Variants in PHGDH observed in about 807,000 individuals in gnomAD.
PHGDH encodes the protein phosphoglycerate dehydrogenase, also known as D-3-phosphoglycerate dehydrogenase.
PHGDH carries 50 observed loss-of-function variants against 52.6 expected under a neutral mutation model. The observed-to-expected ratio is 0.95, with a 90% CI of 0.76 to 1.20. The LOEUF (loss-of-function observed/expected upper bound fraction) is 1.20. Among genes scored for constraint, PHGDH ranks in the 50% most tolerant of loss-of-function variants. PHGDH has a pLI of 0.00. For missense variants in PHGDH, 630 were observed against 684.6 expected, an observed-to-expected ratio of 0.92 and a Z score of 0.89; for synonymous variants, 271 against 280.5, an observed-to-expected ratio of 0.97 and a Z score of 0.34.
chr1:119,737,524 C>T (rs1651999293), intron 8 of PHGDH, among the ~76,000 whole-genome samples: 1 of 152,160 alleles, frequency 6.6e-6, no homozygotes, highest in South Asian at 2.1e-4. Context: ...AGATTGTGGC[C>T]CTTCCCAGGC....
intron 5 of PHGDH, 196 bp from the exon 6 acceptor site, chr1:119,734,438 G>T: frequency 1.6e-6 from 1 of 635,046 alleles, no homozygotes; most frequent in East Asian, 3.0e-5. Flanking sequence ...GCTGATCATG[G>T]TACTTAGTAT....
chr1:119,740,340 G>T (rs1240071706), intron 8 of PHGDH, 46 bp from the exon 9 acceptor site: 3 of 1,611,918 alleles, frequency 1.9e-6, no homozygotes, highest in Non-Finnish European at 2.5e-6. Context: ...TTCAGGATCT[G>T]CCATGCCTCT....
intron 6 of PHGDH, chr1:119,735,036 A>G: frequency 1.6e-6 from 1 of 624,166 alleles, no homozygotes; most frequent in Non-Finnish European, 2.8e-6. Flanking sequence ...GGGCTTTCTG[A>G]TTCCCAGACC....
chr1:119,733,767 G>A (rs774318560), intron 5 of PHGDH, among the ~76,000 whole-genome samples: 6 of 152,228 alleles, frequency 3.9e-5, no homozygotes, highest in East Asian at 1.9e-4. Flanking sequence ...AGAGACAACC[G>A]CTGTTAAAGT....
chr1:119,721,233 G>A lies in PHGDH; in HGVS notation c.202G>A (p.Glu68Lys), dbSNP rs774538219. The stretch of plus-strand genomic sequence containing the variant: ...GACCGCTGATGTCATCAACGCAGCT[G>A]AGAAACTCCAGGTGGTGGGCAGGGC... ...KVTADVINAA[E>K]KLQVVGRAGT... Residue 68 changes from glutamate to lysine, a missense_variant, in exon 2 of 12, where the codon GAG becomes AAG. Coordinates refer to ENST00000641023, the MANE Select transcript of PHGDH (RefSeq NM_006623.4). The A allele has an allele frequency of 1.9e-6, 3 of 1,614,060 alleles. No individual in the cohort carries two copies. In the African/African-American group the frequency reaches 4.0e-5, roughly 22 times the overall value.
chr1:119,734,219 T>A (rs587712245), intron 5 of PHGDH: 2 of 322,666 alleles, frequency 6.2e-6, no homozygotes, highest in East Asian at 1.6e-4. Context: ...CCCTCAGGAC[T>A]CCCTGCTTTC....
rs1339958156 is a variant in PHGDH, at chr1:119,737,207, G to A, written c.886G>A (p.Gly296Arg). 6.2e-7 allele frequency: 1 copy of A among 1,614,168 alleles called. No individual in the cohort carries two copies. Residue 296 changes from glycine to arginine, a missense_variant, in exon 8 of 12, where the codon GGG becomes AGG. Transcript: ENST00000641023. The part of the protein sequence containing the change: ...ASTKEAQSRC[G>R]EEIAVQFVDM... The stretch of plus-strand genomic sequence containing the variant: ...CACCAAGGAGGCTCAGAGCCGCTGT[G>A]GGGAGGAAATTGCTGTTCAGTTCGT...
chr1:119,719,553 C>T (rs1002236432), intron 1 of PHGDH: 2 of 152,232 alleles, frequency 1.3e-5, no homozygotes, highest in Admixed American at 1.3e-4. Context: ...GATGCATAAA[C>T]ACCTCCAGAG....
chr1:119,735,339 C>CACT lies in PHGDH; in HGVS notation c.688_689insACT (p.Arg230delinsHisCys). 1 of 1,614,168 alleles carries CACT rather than the reference C, an allele frequency of 6.2e-7. No individual in the cohort carries two copies. Among genetic ancestry groups the CACT allele is most frequent in the African/African-American group, 1.3e-5 (1 of 75,052 alleles). ...CTTTGCCCAGTGCAAGAAGGGGGTG[C>CACT]GTGTGGTGAACTGTGCCCGTGGAGG... On this transcript the variant is annotated protein_altering_variant, in exon 7 of 12. Coordinates refer to ENST00000641023, the MANE Select transcript of PHGDH (RefSeq NM_006623.4).
At chr1:119,721,603 C>T in intron 2 of PHGDH, 2 of 384,714 alleles carry the variant, frequency 5.2e-6, no homozygotes, top group Non-Finnish European at 9.5e-6. Context: ...TTCACGAGCC[C>T]ACCCCATGCG....
In PHGDH at chr1:119,712,057, G is replaced by A; in HGVS notation, c.35G>A (p.Ser12Asn). The A allele has an allele frequency of 1.9e-6, 3 of 1,614,236 alleles. No homozygotes were observed. The highest frequency in any genetic ancestry group is 2.2e-5 in the South Asian group (2 of 91,082). Reference sequence around the variant, plus strand: ...GCAAATCTGCGGAAAGTGCTCATCAGTGACAGCCTGGACCCTTGCTGCCGG... The same window carrying A: ...GCAAATCTGCGGAAAGTGCTCATCAATGACAGCCTGGACCCTTGCTGCCGG... ...AFANLRKVLISDSLDPCCRKI... is the reference protein window; with the variant it reads ...AFANLRKVLINDSLDPCCRKI... The change falls in exon 1 of 12, where the codon AGT becomes AAT. Residue 12 changes from serine (S) to asparagine (N), a missense_variant. Ser to Asn is a conservative substitution (Grantham distance 46). Transcript: ENST00000641023.
At chr1:119,730,930 C>T (rs1029972467) in intron 5 of PHGDH, among the ~76,000 whole-genome samples, 15 of 152,162 alleles carry the variant, frequency 9.9e-5, no homozygotes, top group African/African-American at 3.1e-4. Context: ...GTAGTTAATA[C>T]TTAAGGGTGC....
chr1:119,741,763 C>T lies in PHGDH; in HGVS notation c.1079-4C>T. ...ACCTCATGGTAGCTTCTCTCTGTCC[C>T]CAGGAACATCCCTGAAGAATGCTGG... is the stretch of plus-strand genomic sequence containing the variant. On this transcript the variant is annotated splice_polypyrimidine_tract_variant and splice_region_variant and intron_variant, in intron 9 of 11. Transcript: ENST00000641023. 6.2e-7 allele frequency: 1 copy of T among 1,613,652 alleles called. No individual in the cohort carries two copies. The highest frequency in any genetic ancestry group is 8.5e-7 in the Non-Finnish European group (1 of 1,179,594).
intron 1 of PHGDH, chr1:119,712,681 G>C (rs1010726638): frequency 1.0e-5 from 2 of 192,768 alleles, no homozygotes; most frequent in Non-Finnish European, 2.2e-5. Flanking sequence ...GGCGGGGTTG[G>C]GGGGGTCGGG....
In PHGDH at chr1:119,723,453, A is replaced by G. The variant is rs755370324; in HGVS notation, c.356+12A>G. The G allele has an allele frequency of 1.2e-6, 2 of 1,603,754 alleles. No homozygotes were observed. Among genetic ancestry groups the G allele is most frequent in the Non-Finnish European group, 1.7e-6 (2 of 1,170,706 alleles). On this transcript the variant is annotated intron_variant, in intron 3 of 11. Transcript: ENST00000641023. ...ATGTGCCTGGCCAGGTAAGTCCCTG[A>G]CTTCTCAGCAAAGCTAGTCTCTCCG...
At chr1:119,734,904 T>G (rs1368099038) in intron 6 of PHGDH, 138 bp downstream of exon 6, 2 of 971,192 alleles carry the variant, frequency 2.1e-6, no homozygotes, top group Non-Finnish European at 3.3e-6. Flanking sequence ...GAGGCTGGTG[T>G]TTTGTTAGAC....
chr1:119,734,922 C>G (rs763608766), intron 6 of PHGDH, 156 bp downstream of exon 6: 7 of 829,046 alleles, frequency 8.4e-6, no homozygotes, highest in Non-Finnish European at 1.4e-5. Flanking sequence ...GACACCCCTA[C>G]GTTGGATAGG....
At chr1:119,741,344 G>A (rs1398132987) in intron 9 of PHGDH, among the ~76,000 whole-genome samples, 1 of 152,210 alleles carries the variant, frequency 6.6e-6, no homozygotes. Flanking sequence ...AGGAAACAAG[G>A]CAGGGAGCTG....
intron 3 of PHGDH, chr1:119,724,376 T>C (rs1026552476): frequency 5.9e-5 from 12 of 202,200 alleles, no homozygotes; most frequent in African/African-American, 2.6e-4. Context: ...CTGCTTTCCC[T>C]CCTGCTGGAG....
Sources: gnomAD v4.1 joint callset for allele counts (sites outside exome capture counted in the v4.1 genomes callset) on GRCh38, gnomAD v4.1.1 for gene constraint, MANE v1.5 for transcripts, NCBI Gene and HGNC (gene_info 2026-07-23, HGNC 2026-07-21) for gene names.